The following PDE4D variants were observed in gnomAD, a reference collection of about 807,000 sequenced individuals.
PDE4D encodes the protein phosphodiesterase 4D.
In PDE4D, 24 loss-of-function variants were observed where a neutral mutation model predicts 87.4. The ratio of observed to expected loss-of-function variants is 0.27; its 90% CI spans 0.20 to 0.39. The LOEUF is 0.39. PDE4D is among the 10% of genes least tolerant of loss of function. The probability of loss-of-function intolerance (pLI) is 1.00; values close to 1 mark genes in which losing one functional copy is unlikely to be tolerated. For synonymous variants in PDE4D, 384 were observed against 383.2 expected (o/e 1.00, Z -0.02); for missense variants, 714 against 1,041.0 (o/e 0.69, Z 4.32).
At chr5:59,236,046 GCA>G (rs1270173350) in intron 1 of PDE4D, among the ~76,000 whole-genome samples, 2 of 152,078 alleles carry the variant, frequency 1.3e-5, no homozygotes, top group African/African-American at 2.4e-5. Context: ...AGGGGTCCAT[GCA>G]CAGTTTTGTT....
At position 58,974,834 on chromosome 5, in the gene PDE4D, T is replaced by C. The variant is rs1290453118; in HGVS notation, c.2260A>G (p.Ser754Gly). ...GESDTEKDSG[S>G]QVEEDTSCSD... ...CAGCTAGTGTCTTCTTCCACTTGACTGCCACTGTCCTTTTCCGTGTCTGAC... is the reference window on the plus strand; with the variant it reads ...CAGCTAGTGTCTTCTTCCACTTGACCGCCACTGTCCTTTTCCGTGTCTGAC... The change falls in exon 15 of 15, where the codon AGT becomes GGT. Residue 754 changes from serine to glycine, a missense_variant. Physicochemically the swap from Ser to Gly is moderately conservative, Grantham distance 56. Transcript: ENST00000340635. The C allele has an allele frequency of 6.8e-6, 11 of 1,613,640 alleles. No individual in the cohort carries two copies. Among genetic ancestry groups the C allele is most frequent in the Non-Finnish European group, 9.3e-6 (11 of 1,179,662 alleles).
intron 1 of PDE4D, among the ~76,000 whole-genome samples, chr5:60,199,385 A>G (rs974069791): frequency 4.6e-5 from 7 of 151,692 alleles, no homozygotes; most frequent in South Asian, 2.1e-4. Flanking sequence ...TGTGGCACCC[A>G]TCTGGCACCT....
At chr5:59,775,477 C>A (rs1300166712) in intron 1 of PDE4D, among the ~76,000 whole-genome samples, 1 of 151,882 alleles carries the variant, frequency 6.6e-6, no homozygotes, top group East Asian at 1.9e-4. Flanking sequence ...CTATTACCCA[C>A]ATTTTAAATC....
At chr5:59,453,559 G>A (rs1406851315) in intron 1 of PDE4D, among the ~76,000 whole-genome samples, 8 of 152,214 alleles carry the variant, frequency 5.3e-5, no homozygotes, top group Admixed American at 5.2e-4. Context: ...CTGAAGTGGA[G>A]AAAGTTTGAG....
chr5:59,163,237 C>T lies in PDE4D; in HGVS notation c.808+17358G>A, dbSNP rs144339526. Among the ~76,000 whole-genome samples the T allele has an allele frequency of 1.9e-3, 281 of 151,626 alleles. 1 individual carries two copies. Among genetic ancestry groups the T allele is most frequent in the African/African-American group, 6.4e-3 (266 of 41,324 alleles). ...CTGTGGGATTACAGGTGTGAGCCAC[C>T]GTGCCTGGCCAATCGAATTGATTTT... On this transcript the variant is annotated intron_variant, in intron 5 of 14. Coordinates refer to ENST00000340635, the MANE Select transcript of PDE4D (RefSeq NM_001104631.2).
chr5:59,178,173 A>G (rs1460566036), intron 5 of PDE4D, among the ~76,000 whole-genome samples: 4 of 152,184 alleles, frequency 2.6e-5, no homozygotes, highest in African/African-American at 9.7e-5. Context: ...AAATGGGCTC[A>G]GAAAGGGGAA....
intron 1 of PDE4D, among the ~76,000 whole-genome samples, chr5:59,876,203 C>A (rs566000111): frequency 3.3e-5 from 5 of 152,124 alleles, no homozygotes; most frequent in Non-Finnish European, 7.4e-5. Context: ...ATATTTTCCA[C>A]GGTCTGTTGA....
intron 1 of PDE4D, among the ~76,000 whole-genome samples, chr5:59,386,873 A>C (rs556932991): frequency 2.6e-4 from 39 of 152,278 alleles, no homozygotes; most frequent in Non-Finnish European, 4.9e-4. Flanking sequence ...CTAAACACTT[A>C]AAAACCAGCA....
intron 6 of PDE4D, among the ~76,000 whole-genome samples, chr5:59,017,077 C>T (rs1754154709): frequency 6.6e-6 from 1 of 152,142 alleles, no homozygotes; most frequent in Non-Finnish European, 1.5e-5. Context: ...GCACTCTCAA[C>T]AAAGGCTGAG....
At chr5:60,509,605 T>C (rs1214813479) in intron 1 of PDE4D, among the ~76,000 whole-genome samples, 2 of 152,164 alleles carry the variant, frequency 1.3e-5, no homozygotes, top group Non-Finnish European at 2.9e-5. Context: ...TCTCATTTCA[T>C]CTTTCTTTCC....
intron 2 of PDE4D, among the ~76,000 whole-genome samples, chr5:60,038,865 T>C (rs1163495944): frequency 5.3e-5 from 8 of 151,286 alleles, no homozygotes; most frequent in Non-Finnish European, 8.8e-5. Flanking sequence ...ATCAGAGAAA[T>C]GCAAATCAAA....
At chr5:59,116,028 C>T (rs1166001693) in intron 5 of PDE4D, among the ~76,000 whole-genome samples, 1 of 152,014 alleles carries the variant, frequency 6.6e-6, no homozygotes, top group South Asian at 2.1e-4. Context: ...TTATCTCAGT[C>T]GATGAATTAG....
At chr5:60,369,306 A>C (rs1760813417) in intron 1 of PDE4D, among the ~76,000 whole-genome samples, 1 of 152,052 alleles carries the variant, frequency 6.6e-6, no homozygotes. Flanking sequence ...ACAGAGGGGA[A>C]TGGTGGGCAG....
At chr5:59,051,361 AAAAC>A (rs1237124378) in intron 5 of PDE4D, among the ~76,000 whole-genome samples, 3 of 152,212 alleles carry the variant, frequency 2.0e-5, no homozygotes, top group African/African-American at 7.2e-5. Flanking sequence ...CTCTGTCTCA[AAAAC>A]AAACAAACAA....
chr5:59,098,266 T>C (rs1307075436), intron 5 of PDE4D, among the ~76,000 whole-genome samples: 1 of 152,196 alleles, frequency 6.6e-6, no homozygotes, highest in Non-Finnish European at 1.5e-5. Flanking sequence ...TGGTAAGCTA[T>C]TGTCTCCAAT....
chr5:60,459,913 T>C, intron 1 of PDE4D: 1 of 690,770 alleles, frequency 1.4e-6, no homozygotes, highest in Non-Finnish European at 2.7e-6. Flanking sequence ...TTCACCTTCA[T>C]CTTCATTGTC....
At chr5:60,051,781 G>C (rs565047441) in intron 2 of PDE4D, among the ~76,000 whole-genome samples, 13 of 151,692 alleles carry the variant, frequency 8.6e-5, no homozygotes, top group East Asian at 7.8e-4. Flanking sequence ...TAACAAAATA[G>C]ATAGACCACT....
chr5:59,150,344 A>G (rs781512837), intron 5 of PDE4D, among the ~76,000 whole-genome samples: 1 of 152,172 alleles, frequency 6.6e-6, no homozygotes, highest in African/African-American at 2.4e-5. Flanking sequence ...CAAAAGATCC[A>G]TTCTGACAGA....
chr5:59,569,293 A>T (rs1321939349), intron 1 of PDE4D, among the ~76,000 whole-genome samples: 2 of 152,154 alleles, frequency 1.3e-5, no homozygotes. Flanking sequence ...TAAACATATG[A>T]CTCATTTAAA....
Sources: allele counts gnomAD v4.1 joint callset (sites outside exome capture counted in the v4.1 genomes callset), GRCh38; gene constraint gnomAD v4.1.1; transcripts MANE v1.5; gene names NCBI Gene and HGNC (gene_info 2026-07-23, HGNC 2026-07-21).